Variants in SMTNL1 observed in about 807,000 individuals in gnomAD.
The protein encoded by SMTNL1 is smoothelin like 1.
Under a neutral mutation model 46.6 loss-of-function variants are expected in SMTNL1, and 41 were observed. That is an observed-to-expected ratio of 0.88 (90% CI 0.69 to 1.14). The LOEUF is 1.14. SMTNL1 is among the 50% of genes most tolerant of loss of function. The pLI is 0.00. For missense variants in SMTNL1, 591 were observed against 626.1 expected (o/e 0.94, Z 0.60); for synonymous variants, 234 against 234.2 (o/e 1.00, Z 0.01).
At chr11:57,538,643 G>A (rs1944849146) in intron 1 of SMTNL1, among the ~76,000 whole-genome samples, 1 of 152,222 alleles carries the variant, frequency 6.6e-6, no homozygotes, top group African/African-American at 2.4e-5. Flanking sequence ...TATATTTGAT[G>A]TGAGCTCTGG....
intron 1 of SMTNL1, among the ~76,000 whole-genome samples, chr11:57,541,818 G>A (rs935979269): frequency 5.9e-5 from 9 of 152,104 alleles, no homozygotes; most frequent in African/African-American, 2.2e-4. Flanking sequence ...ATCACTGTTG[G>A]AAATGGAAAC....
chr11:57,541,110 C>T (rs1944873118), intron 1 of SMTNL1, among the ~76,000 whole-genome samples: 2 of 152,156 alleles, frequency 1.3e-5, no homozygotes, highest in African/African-American at 4.8e-5. Context: ...AAATCCCAGC[C>T]TACTTTTAGG....
intron 1 of SMTNL1, among the ~76,000 whole-genome samples, chr11:57,538,773 T>C (rs1273832170): frequency 2.0e-5 from 3 of 152,172 alleles, no homozygotes; most frequent in African/African-American, 7.2e-5. Context: ...ATGGGGCCAA[T>C]AACCTATTCT....
At chr11:57,548,244 T>A (rs1238198974) in intron 7 of SMTNL1, among the ~76,000 whole-genome samples, 1 of 152,154 alleles carries the variant, frequency 6.6e-6, no homozygotes, top group Non-Finnish European at 1.5e-5. Flanking sequence ...TGTTGCTAAG[T>A]GCCAGCAGCT....
chr11:57,544,260 A>G (rs1944905446), intron 4 of SMTNL1, among the ~76,000 whole-genome samples: 1 of 152,142 alleles, frequency 6.6e-6, no homozygotes, highest in Non-Finnish European at 1.5e-5. Flanking sequence ...GGCACCTGTA[A>G]TCCCATCTAC....
intron 1 of SMTNL1, chr11:57,541,552 G>A (rs1215808002): frequency 7.3e-7 from 1 of 1,367,282 alleles, no homozygotes; most frequent in Non-Finnish European, 9.8e-7. Context: ...GCAGAGGCCA[G>A]GGAGAGTACG....
intron 1 of SMTNL1, among the ~76,000 whole-genome samples, chr11:57,539,419 G>A (rs1052989015): frequency 5.9e-5 from 9 of 152,136 alleles, no homozygotes; most frequent in Admixed American, 5.9e-4. Context: ...CATACTTTGA[G>A]GTATAAAAAG....
Position 57,543,327 on chromosome 11 carries a change from A to C in SMTNL1, c.685A>C (p.Lys229Gln). 6.2e-7 allele frequency: 1 copy of C among 1,613,968 alleles called. No individual in the cohort carries two copies. The highest frequency in any genetic ancestry group is 8.5e-7 in the Non-Finnish European group (1 of 1,179,872). ...DGKEEAKHGA[K>Q]EEADAKEEAE... ...GAAAGAGGAGGCCAAACATGGTGCA[A>C]AAGAGGAGGCTGATGCAAAAGAGGA... Residue 229 changes from lysine to glutamine, a missense_variant, in exon 2 of 8, where the codon AAA becomes CAA. By Grantham distance (53) the Lys-to-Gln change is moderately conservative. Transcript: ENST00000527972.
chr11:57,545,313 G>A (rs1944913095), intron 4 of SMTNL1, among the ~76,000 whole-genome samples: 1 of 152,000 alleles, frequency 6.6e-6, no homozygotes, highest in South Asian at 2.1e-4. Flanking sequence ...GCAAATAAGA[G>A]GCAAAGCCAT....
At chr11:57,538,460 A>G (rs971061626) in intron 1 of SMTNL1, among the ~76,000 whole-genome samples, 2 of 152,186 alleles carry the variant, frequency 1.3e-5, no homozygotes, top group Admixed American at 1.3e-4. Flanking sequence ...AAAGGAGAGA[A>G]TAAGAAAGGA....
chr11:57,541,672 C>A lies in SMTNL1; in HGVS notation c.-2-969C>A. ...CAGAGACCAGTTGGCCCTGGGGTTCCCAAATTTCAGCCATTTTTATACACC... is the reference window on the plus strand; with the variant it reads ...CAGAGACCAGTTGGCCCTGGGGTTCACAAATTTCAGCCATTTTTATACACC... On this transcript the variant is annotated intron_variant, in intron 1 of 7. Coordinates refer to ENST00000527972, the MANE Select transcript of SMTNL1 (RefSeq NM_001105565.3). 4 of 1,100,770 alleles carry A rather than the reference C, an allele frequency of 3.6e-6. No homozygotes were observed. The South Asian group carries it at 6.2e-5, about 17-fold the overall frequency. 68.2% of individuals were successfully genotyped at this position (1,100,770 alleles called of 1,614,324 possible). A position where few individuals can be genotyped will look rare whatever the true frequency, so the allele number is the denominator to read the frequency against.
At chr11:57,541,020 C>T (rs1944872444) in intron 1 of SMTNL1, among the ~76,000 whole-genome samples, 1 of 152,164 alleles carries the variant, frequency 6.6e-6, no homozygotes, top group Non-Finnish European at 1.5e-5. Context: ...CATCTTCCCT[C>T]TTACTTTAAG....
At chr11:57,549,619 C>T (rs1944943610) in intron 7 of SMTNL1, among the ~76,000 whole-genome samples, 1 of 151,906 alleles carries the variant, frequency 6.6e-6, no homozygotes, top group African/African-American at 2.4e-5. Flanking sequence ...AAGGGATCCT[C>T]CCGCCTTGGC....
In SMTNL1 at chr11:57,537,782, A is replaced by G. The variant is rs141078675; in HGVS notation, c.-3+140A>G. Among the ~76,000 whole-genome samples the G allele has an allele frequency of 3.7e-3, 562 of 152,268 alleles. 4 individuals carry two copies. Among genetic ancestry groups the G allele is most frequent in the Admixed American group, 6.7e-3 (102 of 15,292 alleles). On this transcript the variant is annotated intron_variant, in intron 1 of 7. Coordinates refer to ENST00000527972, the MANE Select transcript of SMTNL1 (RefSeq NM_001105565.3). The stretch of plus-strand genomic sequence containing the variant: ...CTCCTTTCTAATTCTCTCCACCACA[A>G]TGTCTACTCTCTTTAGATGCCTGGG...
intron 1 of SMTNL1, among the ~76,000 whole-genome samples, chr11:57,539,994 G>A (rs995871545): frequency 6.6e-5 from 10 of 152,168 alleles, no homozygotes; most frequent in Admixed American, 3.9e-4. Context: ...AGAGCAGAGA[G>A]AAAGAGGGGA....
rs1378068582 is a variant in SMTNL1, at chr11:57,543,736, AG to A, written c.849del (p.His284ThrfsTer13). On this transcript the variant is annotated frameshift_variant, in exon 3 of 8. Transcript: ENST00000527972. LOFTEE classifies it high-confidence loss of function. ...PEEWPESPTG[E>X]GHNLSTDGLG... ...GAGTGGCCTGAGAGCCCCACTGGGGAGGGGCACAACCTCAGCACAGGTGAGT... is the reference window on the plus strand; with the variant it reads ...GAGTGGCCTGAGAGCCCCACTGGGGAGGGCACAACCTCAGCACAGGTGAGT... The A allele has an allele frequency of 6.4e-7, 1 of 1,563,610 alleles. No individual in the cohort carries two copies. Among genetic ancestry groups the A allele is most frequent in the Non-Finnish European group, 8.7e-7 (1 of 1,154,066 alleles).
chr11:57,542,851 C>A lies in SMTNL1; in HGVS notation c.209C>A (p.Ala70Glu), dbSNP rs760301217. 5.0e-6 allele frequency: 8 copies of A among 1,612,884 alleles called. No individual in the cohort carries two copies. Among genetic ancestry groups the A allele is most frequent in the East Asian group, 4.5e-5 (2 of 44,874 alleles). Residue 70 changes from alanine (A) to glutamate (E), a missense_variant, in exon 2 of 8, where the codon GCA becomes GAA. Transcript: ENST00000527972. Reference sequence around the variant, plus strand: ...ATGTCAGCAGAACTCCAGGGGGAAGCAAATGGATTAGATGAGGTCAAAGTG... The same window carrying A: ...ATGTCAGCAGAACTCCAGGGGGAAGAAAATGGATTAGATGAGGTCAAAGTG... ...DGMSAELQGEANGLDEVKVES... is the reference protein window; with the variant it reads ...DGMSAELQGEENGLDEVKVES...
chr11:57,545,823 T>G, intron 4 of SMTNL1, 58 bp from the exon 5 acceptor site: 2 of 860,756 alleles, frequency 2.3e-6, no homozygotes, highest in Non-Finnish European at 3.5e-6. Context: ...GCCCCCTCCC[T>G]GTGTCCTGCA....
chr11:57,548,916 A>C (rs983951976), intron 7 of SMTNL1, among the ~76,000 whole-genome samples: 2 of 152,122 alleles, frequency 1.3e-5, no homozygotes, highest in Non-Finnish European at 2.9e-5. Context: ...CTGGCACATA[A>C]TAGGCTCCTG....
Sources: gnomAD v4.1 joint callset for allele counts (sites outside exome capture counted in the v4.1 genomes callset) on GRCh38, gnomAD v4.1.1 for gene constraint, MANE v1.5 for transcripts, NCBI Gene and HGNC (gene_info 2026-07-23, HGNC 2026-07-21) for gene names.